The following ACTA2 variants were observed in gnomAD, a reference collection of about 807,000 sequenced individuals.
ACTA2 encodes actin alpha 2, smooth muscle.
ACTA2 carries 12 observed loss-of-function variants against 39.5 expected under a neutral mutation model. That is an observed-to-expected ratio of 0.30 (90% CI 0.19 to 0.49). The LOEUF (loss-of-function observed/expected upper bound fraction) is 0.49, where lower values mean the gene tolerates loss of function less well. Among genes scored for constraint, ACTA2 ranks in the 20% least tolerant of loss-of-function variants. The probability of loss-of-function intolerance (pLI) is 0.99; values close to 1 mark genes in which losing one functional copy is unlikely to be tolerated. For missense variants in ACTA2, 236 were observed against 498.8 expected (o/e 0.47, Z 5.02); for synonymous variants, 158 against 180.6 (o/e 0.88, Z 1.00).
chr10:88,941,730 A>G, intron 5 of ACTA2, 55 bp downstream of exon 5: 2 of 1,503,120 alleles, frequency 1.3e-6, no homozygotes, highest in East Asian at 2.3e-5. Flanking sequence ...CGACCATTCA[A>G]TCCCATCTCT....
chr10:88,951,937 C>T (rs1252803644), intron 1 of ACTA2, among the ~76,000 whole-genome samples: 1 of 152,216 alleles, frequency 6.6e-6, no homozygotes, highest in Non-Finnish European at 1.5e-5. Context: ...GCAGGGCTGG[C>T]TGCACAGTCA....
chr10:88,990,586 G>T lies in ACTA2; in HGVS notation c.-24+353C>A. The T allele has an allele frequency of 1.5e-6, 1 of 668,526 alleles. No individual in the cohort carries two copies. The highest frequency in any genetic ancestry group is 2.7e-6 in the Non-Finnish European group (1 of 364,760). The allele number at this position is 668,526 out of a possible 1,614,324, so 41.4% of individuals were successfully genotyped here. A position where few individuals can be genotyped will look rare whatever the true frequency, so the allele number is the denominator to read the frequency against. ...CAATGGAGCCCTCCCCAACCCGGGC[G>T]TTCCCCAGCGAGGCTTCCTTCCCAT... On this transcript the variant is annotated intron_variant, in intron 1 of 4. Coordinates refer to the ACTA2 transcript ENST00000415557. The surrounding 1 kb of genome is among the most constrained non-coding windows in gnomAD (Gnocchi z 4.9).
rs768077621 is a variant in ACTA2 at position 88,939,586 on chromosome 10, C to A, written c.729G>T (p.Glu243Asp). The A allele has an allele frequency of 6.2e-7, 1 of 1,614,134 alleles. No individual in the cohort carries two copies. Among genetic ancestry groups the A allele is most frequent in the Non-Finnish European group, 8.5e-7 (1 of 1,179,996 alleles). The change falls in exon 7 of 9, where the codon GAG (glutamate) becomes GAT (aspartate). Residue 243 changes from glutamate to aspartate, a missense_variant. Transcript: ENST00000224784. ...TGGTGATCACTTGCCCATCAGGCAA[C>A]TCGTAACTCTTCTCAAGGGAGGATG... The part of the protein sequence containing the change: ...ASSSSLEKSY[E>D]LPDGQVITIG...
At chr10:88,986,142 T>C (rs908450797) in intron 1 of ACTA2, among the ~76,000 whole-genome samples, 1 of 152,174 alleles carries the variant, frequency 6.6e-6, no homozygotes, top group Non-Finnish European at 1.5e-5. Flanking sequence ...GCAAAATAGA[T>C]TGAAGTTGAA....
intron 1 of ACTA2, among the ~76,000 whole-genome samples, chr10:88,958,660 C>G (rs1846177012): frequency 6.6e-6 from 1 of 152,148 alleles, no homozygotes; most frequent in Admixed American, 6.5e-5. Context: ...ACATCCCTGC[C>G]TCATGAAAGC....
At chr10:88,965,548 C>T (rs1846303803) in intron 1 of ACTA2, among the ~76,000 whole-genome samples, 1 of 152,146 alleles carries the variant, frequency 6.6e-6, no homozygotes. Flanking sequence ...GTGTACTTGC[C>T]TTAGGAGGTC....
intron 1 of ACTA2, among the ~76,000 whole-genome samples, chr10:88,963,350 T>C (rs1412610223): frequency 1.3e-5 from 2 of 152,036 alleles, no homozygotes; most frequent in African/African-American, 4.8e-5. Flanking sequence ...ATGCCTACCA[T>C]GTCCCCAAGT....
At chr10:88,937,452 C>T (rs756219609) in intron 8 of ACTA2, among the ~76,000 whole-genome samples, 4 of 152,110 alleles carry the variant, frequency 2.6e-5, no homozygotes, top group African/African-American at 9.7e-5. Context: ...ATTTAATCCC[C>T]GAGTTCCCTT....
At chr10:88,943,678 GCTGTTAGT>G (rs1845896052) in intron 4 of ACTA2, 111 bp downstream of exon 4, 7 of 815,262 alleles carry the variant, frequency 8.6e-6, no homozygotes. Context: ...TTCACTGAAG[GCTGTTAGT>G]CTGTTGGTGG....
intron 1 of ACTA2, among the ~76,000 whole-genome samples, chr10:88,951,681 C>T (rs1846052792): frequency 6.6e-6 from 1 of 152,158 alleles, no homozygotes; most frequent in African/African-American, 2.4e-5. Context: ...GTAAAACACG[C>T]TCGAGTGTCT....
chr10:88,952,083 T>A (rs1465822321), intron 1 of ACTA2, among the ~76,000 whole-genome samples: 1 of 152,126 alleles, frequency 6.6e-6, no homozygotes, highest in Non-Finnish European at 1.5e-5. Flanking sequence ...ATTCAGCAGG[T>A]CACCTGCTGC....
chr10:88,968,394 C>T (rs1015093885), intron 1 of ACTA2, among the ~76,000 whole-genome samples: 23 of 104,468 alleles, frequency 2.2e-4, no homozygotes, highest in Admixed American at 7.8e-4. Context: ...GGGTTTAAAA[C>T]TCATAATGGA....
chr10:88,963,896 CA>C (rs1295372825), intron 1 of ACTA2, among the ~76,000 whole-genome samples: 1 of 152,178 alleles, frequency 6.6e-6, no homozygotes, highest in East Asian at 1.9e-4. Context: ...CACTTTATTA[CA>C]ATGCTACAGT....
chr10:88,945,667 T>A (rs986414875), intron 3 of ACTA2, among the ~76,000 whole-genome samples: 1 of 152,230 alleles, frequency 6.6e-6, no homozygotes, highest in African/African-American at 2.4e-5. Context: ...TAAATAATTT[T>A]TAAAATATTT....
At chr10:88,978,836 G>A (rs1167925770) in intron 1 of ACTA2, among the ~76,000 whole-genome samples, 3 of 152,006 alleles carry the variant, frequency 2.0e-5, no homozygotes, top group Admixed American at 1.3e-4. Context: ...GACACCTGAA[G>A]CTATTAGAAG....
At chr10:88,986,568 C>T (rs555324066) in intron 1 of ACTA2, among the ~76,000 whole-genome samples, 1 of 152,006 alleles carries the variant, frequency 6.6e-6, no homozygotes, top group Non-Finnish European at 1.5e-5. Flanking sequence ...AGTTTTCCAG[C>T]CCTGGTCAGT....
At chr10:88,951,684 G>A (rs914592230) in intron 1 of ACTA2, among the ~76,000 whole-genome samples, 8 of 152,258 alleles carry the variant, frequency 5.3e-5, no homozygotes, top group Admixed American at 3.3e-4. Flanking sequence ...AAACACGCTC[G>A]AGTGTCTGCT....
intron 1 of ACTA2, chr10:88,973,068 A>T: frequency 8.3e-7 from 1 of 1,198,964 alleles, no homozygotes; most frequent in Non-Finnish European, 1.1e-6. Flanking sequence ...CCTTGTAAGT[A>T]CTTAGTCTTT....
At position 88,948,880 on chromosome 10, in the gene ACTA2, C is replaced by T. The variant is rs1206769832; in HGVS notation, c.51G>A (p.Gly17=). 4 of 1,613,968 alleles carry T rather than the reference C, an allele frequency of 2.5e-6. No individual in the cohort carries two copies. Among genetic ancestry groups the T allele is most frequent in the East Asian group, 2.2e-5 (1 of 44,868 alleles). Reference sequence around the variant, plus strand: ...CCCCAGCAAAGCCGGCCTTACAGAGCCCAGAGCCATTGTCACACACCAAGG... The same window carrying T: ...CCCCAGCAAAGCCGGCCTTACAGAGTCCAGAGCCATTGTCACACACCAAGG... ...STALVCDNGS[G]LCKAGFAGDD... Residue 17 remains glycine (G), a synonymous_variant, in exon 2 of 9, where the codon GGG becomes GGA. Coordinates refer to ENST00000224784, the MANE Select transcript of ACTA2 (RefSeq NM_001613.4).
Sources: gnomAD v4.1 joint callset for allele counts (sites outside exome capture counted in the v4.1 genomes callset) on GRCh38, gnomAD v4.1.1 for gene constraint, Gnocchi (gnomAD v3.1) non-coding constraint, MANE v1.5 for transcripts, NCBI Gene and HGNC (gene_info 2026-07-23, HGNC 2026-07-21) for gene names.